ANKFN1: variants seen among roughly 807,000 people sequenced by gnomAD.
ANKFN1 encodes ankyrin repeat and fibronectin type III domain containing 1.
Under a neutral mutation model 108.7 loss-of-function variants are expected in ANKFN1, and 74 were observed. The ratio of observed to expected loss-of-function variants is 0.68; its 90% CI spans 0.56 to 0.83. The LOEUF (loss-of-function observed/expected upper bound fraction) is 0.83, where lower values mean the gene tolerates loss of function less well. Among genes scored for constraint, ANKFN1 ranks in the 40% least tolerant of loss-of-function variants. The pLI, the probability that ANKFN1 is intolerant of heterozygous loss-of-function variation, is 0.00. For synonymous variants in ANKFN1, 547 were observed against 516.2 expected (o/e 1.06, Z -0.81); for missense variants, 1,505 against 1,382.3 (o/e 1.09, Z -1.41).
In ANKFN1 at chr17:56,274,564, T is replaced by C. The variant is rs56702860; in HGVS notation, c.53+46607T>C. Among the ~76,000 whole-genome samples the C allele has an allele frequency of 8.7e-4, 133 of 152,268 alleles. 2 individuals are homozygous for C. The East Asian group carries it at 0.025, about 28-fold the overall frequency. ...GAAACTGAGGCTCAGAGAGCTTATT[T>C]GACTTCTCCAAGATCACACAGCTAG... On this transcript the variant is annotated intron_variant, in intron 3 of 20. Transcript: ENST00000682825.
At chr17:56,270,079 T>TTTTTG (rs961224100) in intron 3 of ANKFN1, among the ~76,000 whole-genome samples, 14 of 152,350 alleles carry the variant, frequency 9.2e-5, no homozygotes, top group Admixed American at 5.2e-4. Context: ...TCTTGTTTGT[T>TTTTTG]TTTTGTTTTG....
intron 4 of ANKFN1, among the ~76,000 whole-genome samples, chr17:56,131,646 G>A (rs775618247): frequency 1.4e-3 from 207 of 152,282 alleles, no homozygotes; most frequent in Non-Finnish European, 1.5e-3. Context: ...TTCTGGACAC[G>A]GATGTAGCAA....
chr17:56,290,499 T>C (rs762962525), intron 3 of ANKFN1, among the ~76,000 whole-genome samples: 6 of 152,182 alleles, frequency 3.9e-5, no homozygotes, highest in Non-Finnish European at 5.9e-5. Context: ...TATACCTTGA[T>C]GTAGTGATTT....
rs2051808489 is a variant in ANKFN1 at position 56,512,610 on chromosome 17, C to G, written c.*1341C>G. ...TCATCTCCTGGAGCCAAGACCCATT[C>G]ACTTCACTGACATTCTAAATGATCC... is the stretch of plus-strand genomic sequence containing the variant. On this transcript the variant is annotated 3_prime_UTR_variant, in exon 21 of 21. Transcript: ENST00000682825. Among the ~76,000 whole-genome samples, 1 of 152,206 alleles carries G rather than the reference C, an allele frequency of 6.6e-6. No individual in the cohort carries two copies. Among genetic ancestry groups the G allele is most frequent in the Non-Finnish European group, 1.5e-5 (1 of 68,030 alleles).
At chr17:56,056,611 G>T (rs1904881720) in intron 4 of ANKFN1, among the ~76,000 whole-genome samples, 1 of 152,138 alleles carries the variant, frequency 6.6e-6, no homozygotes, top group African/African-American at 2.4e-5. Context: ...TGGGAAAACT[G>T]GCTAGACATA....
intron 8 of ANKFN1, 150 bp downstream of exon 8, chr17:56,374,864 A>T: frequency 3.2e-6 from 2 of 633,738 alleles, no homozygotes; most frequent in Non-Finnish European, 5.4e-6. Flanking sequence ...TTCCATAGGC[A>T]CTCATGTAAA....
At chr17:56,188,569 GTGTGTGTGTGTGTATA>G (rs1567825676) in intron 1 of ANKFN1, among the ~76,000 whole-genome samples, 7 of 102,608 alleles carry the variant, frequency 6.8e-5, no homozygotes, top group African/African-American at 3.4e-4. Flanking sequence ...GTGTATGTGT[GTGTGTGTGTGTGTATA>G]TATATATATA....
chr17:56,153,621 C>T (rs1273700126), intron 1 of ANKFN1, 91 bp downstream of exon 1: 6 of 1,526,128 alleles, frequency 3.9e-6, no homozygotes, highest in South Asian at 1.1e-5. Flanking sequence ...GTTGAGTGGG[C>T]GAGTGAATTC....
intron 8 of ANKFN1, among the ~76,000 whole-genome samples, chr17:56,400,671 T>G (rs963716844): frequency 6.6e-6 from 1 of 152,188 alleles, no homozygotes; most frequent in Non-Finnish European, 1.5e-5. Flanking sequence ...CTAAGCAATG[T>G]CTAGAAGGAT....
chr17:56,504,230 G>A (rs1458634909), intron 20 of ANKFN1, among the ~76,000 whole-genome samples: 2 of 152,164 alleles, frequency 1.3e-5, no homozygotes, highest in Non-Finnish European at 2.9e-5. Context: ...GAACCAAGGA[G>A]ATAATATTTA....
chr17:56,460,681 G>T (rs969855717), intron 14 of ANKFN1, among the ~76,000 whole-genome samples: 12 of 151,032 alleles, frequency 7.9e-5, no homozygotes, highest in African/African-American at 2.9e-4. Context: ...AGAAGGTAAA[G>T]TCTCACATTT....
Position 56,510,902 on chromosome 17 carries a change from A to G in ANKFN1, c.3074A>G (p.Gln1025Arg). ...TGGTTGCGCATCCACAGCGAGACCCAGTCGCTATCGCTCTCTGAGGGCATT... is the reference window on the plus strand; with the variant it reads ...TGGTTGCGCATCCACAGCGAGACCCGGTCGCTATCGCTCTCTGAGGGCATT... ...HRWLRIHSET[Q>R]SLSLSEGIYT... The change falls in exon 21 of 21, where the codon CAG (glutamine) becomes CGG (arginine). Residue 1025 changes from glutamine to arginine, a missense_variant. Transcript: ENST00000682825. 2 of 1,536,160 alleles carry G rather than the reference A, an allele frequency of 1.3e-6. No individual in the cohort carries two copies. Among genetic ancestry groups the G allele is most frequent in the Non-Finnish European group, 1.7e-6 (2 of 1,146,898 alleles).
chr17:56,266,632 T>C (rs1394296947), intron 3 of ANKFN1, among the ~76,000 whole-genome samples: 1 of 152,186 alleles, frequency 6.6e-6, no homozygotes, highest in Non-Finnish European at 1.5e-5. Flanking sequence ...CAAGGAGCTA[T>C]AATTGCATAA....
In ANKFN1 at chr17:56,511,414, C is replaced by CT. The variant is rs953910984; in HGVS notation, c.*152dup. The CT allele has an allele frequency of 9.2e-6, 9 of 975,454 alleles. No individual in the cohort carries two copies. The highest frequency in any genetic ancestry group is 3.3e-5 in the African/African-American group (2 of 60,768). 60.4% of individuals were successfully genotyped at this position (975,454 alleles called of 1,614,324 possible). ...ACAAAGGTTACAAGTTCAAGGTCCT[C>CT]TTTTTTTGGAACAGAGTGGTGGGTG... On this transcript the variant is annotated 3_prime_UTR_variant, in exon 21 of 21. Transcript: ENST00000682825.
chr17:56,505,208 T>C (rs763256788), intron 20 of ANKFN1, among the ~76,000 whole-genome samples: 4 of 152,208 alleles, frequency 2.6e-5, no homozygotes, highest in Non-Finnish European at 5.9e-5. Flanking sequence ...GTTTCAGGAA[T>C]CAATGGTAGA....
chr17:56,395,898 T>C (rs2047569160), intron 8 of ANKFN1, among the ~76,000 whole-genome samples: 1 of 152,096 alleles, frequency 6.6e-6, no homozygotes. Flanking sequence ...CCCTGGAACT[T>C]CTTCAGTGCA....
chr17:56,298,321 T>C (rs2044573258), intron 3 of ANKFN1, among the ~76,000 whole-genome samples: 3 of 152,244 alleles, frequency 2.0e-5, no homozygotes, highest in Admixed American at 2.0e-4. Context: ...TTTCTGTATA[T>C]TCTACTTTTT....
intron 1 of ANKFN1, among the ~76,000 whole-genome samples, chr17:56,189,413 G>T (rs112803768): frequency 1.3e-5 from 2 of 151,496 alleles, no homozygotes; most frequent in Admixed American, 1.3e-4. Context: ...CTCGTGATCC[G>T]CCCGCCTCGG....
intron 4 of ANKFN1, among the ~76,000 whole-genome samples, chr17:56,116,590 T>C (rs192820299): frequency 1.3e-5 from 2 of 152,160 alleles, no homozygotes; most frequent in African/African-American, 4.8e-5. Context: ...TCTTCTCTCT[T>C]TTGCCTCCTC....
Sources: gnomAD v4.1 joint callset for allele counts (sites outside exome capture counted in the v4.1 genomes callset) on GRCh38, gnomAD v4.1.1 for gene constraint, MANE v1.5 for transcripts, NCBI Gene and HGNC (gene_info 2026-07-23, HGNC 2026-07-21) for gene names.